CNTN4: variants seen among roughly 807,000 people sequenced by gnomAD.
CNTN4 encodes the protein contactin-4.
A neutral mutation model predicts 122.5 loss-of-function variants in CNTN4; 77 were observed. That is an observed-to-expected ratio of 0.63 (90% CI 0.52 to 0.76). The LOEUF (loss-of-function observed/expected upper bound fraction) is 0.76. CNTN4 is among the 30% of genes least tolerant of loss of function. The pLI, the probability that CNTN4 is intolerant of heterozygous loss-of-function variation, is 0.00. For synonymous variants in CNTN4, 512 were observed against 447.0 expected (o/e 1.15, Z -1.83); for missense variants, 1,256 against 1,259.1 (o/e 1.00, Z 0.04).
chr3:2,316,470 C>G (rs2043103184), intron 2 of CNTN4, among the ~76,000 whole-genome samples: 2 of 152,138 alleles, frequency 1.3e-5, no homozygotes, highest in East Asian at 1.9e-4. Flanking sequence ...ATTTATTGAA[C>G]TAATTTAAAT....
In CNTN4 at chr3:2,122,025, G is replaced by A. The variant is rs548914234; in HGVS notation, c.-145+21386G>A. 5.5e-5 allele frequency among the ~76,000 whole-genome samples: 8 copies of A among 145,498 alleles called. No individual in the cohort carries two copies. In the South Asian group the frequency reaches 1.5e-3, roughly 27 times the overall value. On this transcript the variant is annotated intron_variant, in intron 2 of 24. Coordinates refer to ENST00000418658, the MANE Select transcript of CNTN4 (RefSeq NM_175607.3). ...AAAAAAATTAGCCGGGCGTGGTGGC[G>A]GCGCCTGTAGTCCCAGCTACTCGGG... is the stretch of plus-strand genomic sequence containing the variant.
At position 2,577,760 on chromosome 3, in the gene CNTN4, C is replaced by G. The variant is rs573152202; in HGVS notation, c.55+6202C>G. The stretch of plus-strand genomic sequence containing the variant: ...TGAAAGAAAGAAGAAAATGGCTGCT[C>G]CATATGTTTACGTGCAGCAAGAGGC... On this transcript the variant is annotated intron_variant, in intron 4 of 24. Coordinates refer to ENST00000418658, the MANE Select transcript of CNTN4 (RefSeq NM_175607.3). Among the ~76,000 whole-genome samples the G allele has an allele frequency of 1.3e-4, 20 of 152,272 alleles. No individual in the cohort carries two copies. The South Asian group carries it at 3.5e-3, about 27-fold the overall frequency.
At chr3:2,286,458 A>G (rs1369415042) in intron 2 of CNTN4, among the ~76,000 whole-genome samples, 1 of 151,890 alleles carries the variant, frequency 6.6e-6, no homozygotes, top group Non-Finnish European at 1.5e-5. Flanking sequence ...AAAAAACTAC[A>G]TGGTTGTTAA....
intron 4 of CNTN4, among the ~76,000 whole-genome samples, chr3:2,578,175 A>G (rs1576072629): frequency 6.6e-6 from 1 of 152,222 alleles, no homozygotes; most frequent in African/African-American, 2.4e-5. Context: ...ATGAGAACAC[A>G]TACAAAGAAT....
chr3:2,865,077 A>T (rs1559596049), intron 7 of CNTN4, among the ~76,000 whole-genome samples: 1 of 152,126 alleles, frequency 6.6e-6, no homozygotes, highest in Non-Finnish European at 1.5e-5. Context: ...CCCAGATTTT[A>T]GTTTCTTGAG....
At chr3:2,170,331 AC>A (rs2036446044) in intron 2 of CNTN4, among the ~76,000 whole-genome samples, 1 of 148,742 alleles carries the variant, frequency 6.7e-6, no homozygotes, top group Admixed American at 6.6e-5. Context: ...AAACAAAAAA[AC>A]AACAACAACA....
At chr3:2,377,102 G>T (rs928978246) in intron 3 of CNTN4, among the ~76,000 whole-genome samples, 9 of 150,008 alleles carry the variant, frequency 6.0e-5, no homozygotes, top group Non-Finnish European at 1.0e-4. Flanking sequence ...GTTGCAGTGA[G>T]CCGAGATTGC....
At chr3:2,692,105 T>G (rs1279426222) in intron 4 of CNTN4, among the ~76,000 whole-genome samples, 1 of 143,824 alleles carries the variant, frequency 7.0e-6, no homozygotes, top group African/African-American at 2.6e-5. Flanking sequence ...TTCTTAAACT[T>G]AAGTGGCACA....
intron 4 of CNTN4, among the ~76,000 whole-genome samples, chr3:2,648,843 G>A (rs1352517565): frequency 1.3e-5 from 2 of 152,184 alleles, no homozygotes; most frequent in East Asian, 3.8e-4. Context: ...AGTTATGAAT[G>A]CAAAGGAAAA....
chr3:2,650,026 A>G (rs956334236), intron 4 of CNTN4, among the ~76,000 whole-genome samples: 6 of 147,592 alleles, frequency 4.1e-5, no homozygotes, highest in Non-Finnish European at 7.5e-5. Context: ...ATATTTATAA[A>G]TATATATAAT....
At chr3:2,184,230 C>A (rs1389600496) in intron 2 of CNTN4, among the ~76,000 whole-genome samples, 1 of 152,164 alleles carries the variant, frequency 6.6e-6, no homozygotes, top group African/African-American at 2.4e-5. Context: ...AAGTAATCCA[C>A]CAGCTTTGGC....
intron 4 of CNTN4, among the ~76,000 whole-genome samples, chr3:2,723,571 A>G (rs1464217274): frequency 1.3e-5 from 2 of 152,212 alleles, no homozygotes; most frequent in East Asian, 3.9e-4. Flanking sequence ...GGAAGGGACA[A>G]AAAGGCAAGA....
chr3:2,665,470 A>G (rs2084106947), intron 4 of CNTN4, among the ~76,000 whole-genome samples: 1 of 152,260 alleles, frequency 6.6e-6, no homozygotes, highest in African/African-American at 2.4e-5. Flanking sequence ...AAAGCTACAA[A>G]AAGAACTCAG....
At chr3:2,747,870 A>G (rs904584023) in intron 6 of CNTN4, among the ~76,000 whole-genome samples, 4 of 152,178 alleles carry the variant, frequency 2.6e-5, no homozygotes, top group African/African-American at 9.7e-5. Flanking sequence ...TACAAAAACA[A>G]ACTTGACATC....
chr3:2,760,081 G>C (rs9863599), intron 6 of CNTN4, among the ~76,000 whole-genome samples: 105,803 of 151,758 alleles, frequency 0.7, 38,268 homozygotes, highest in Non-Finnish European at 0.8. Context: ...TCATACAAGC[G>C]CCTTGTCAAA....
chr3:2,615,473 C>A (rs1162364000), intron 4 of CNTN4, among the ~76,000 whole-genome samples: 2 of 152,092 alleles, frequency 1.3e-5, no homozygotes, highest in South Asian at 2.1e-4. Flanking sequence ...AAAGGGAATT[C>A]AGTGTCTTAA....
chr3:2,792,582 C>T (rs2092045371), intron 6 of CNTN4, among the ~76,000 whole-genome samples: 1 of 152,234 alleles, frequency 6.6e-6, no homozygotes, highest in African/African-American at 2.4e-5. Flanking sequence ...CAAATGCACT[C>T]AGATTTTTGA....
intron 2 of CNTN4, among the ~76,000 whole-genome samples, chr3:2,124,433 AACACACACACACACACACACACAC>A (rs60760373): frequency 4.2e-4 from 52 of 123,892 alleles, no homozygotes; most frequent in African/African-American, 1.5e-3. Context: ...ATTTATTTAA[AACACACACACACACACACACACAC>A]ACACACACAC....
intron 5 of CNTN4, among the ~76,000 whole-genome samples, chr3:2,740,467 T>C (rs1006819292): frequency 6.6e-6 from 1 of 151,954 alleles, no homozygotes; most frequent in African/African-American, 2.4e-5. Flanking sequence ...ATAAAGAATA[T>C]CACGGGAATG....
Sources: allele counts gnomAD v4.1 joint callset (sites outside exome capture counted in the v4.1 genomes callset), GRCh38; gene constraint gnomAD v4.1.1; transcripts MANE v1.5; gene names NCBI Gene and HGNC (gene_info 2026-07-23, HGNC 2026-07-21).